The following ABCA7 variants were observed in gnomAD, a reference collection of about 807,000 sequenced individuals.
The protein encoded by ABCA7 is phospholipid-transporting ATPase ABCA7.
Under a neutral mutation model 227.6 loss-of-function variants are expected in ABCA7, and 261 were observed. The observed-to-expected ratio is 1.15, with a 90% CI of 1.04 to 1.27. The LOEUF (loss-of-function observed/expected upper bound fraction) is 1.27, where lower values mean the gene tolerates loss of function less well. Ranked by LOEUF, ABCA7 falls within the 50% of genes most tolerant of loss-of-function variation. The pLI is 0.00. For missense variants in ABCA7, 3,331 were observed against 2,924.5 expected (o/e 1.14, Z -3.21); for synonymous variants, 1,488 against 1,279.7 (o/e 1.16, Z -3.47).
chr19:1,058,869 G>T lies in ABCA7; in HGVS notation c.5329G>T (p.Ala1777Ser). Reference sequence around the variant, plus strand: ...CCTGGGAGAGGAGGACGAGGATGTAGCCCGTGAACGGGAGCGGGTGGTCCA... The same window carrying T: ...CCTGGGAGAGGAGGACGAGGATGTATCCCGTGAACGGGAGCGGGTGGTCCA... ...PLLGEEDEDV[A>S]RERERVVQGA... Residue 1777 changes from alanine (A) to serine (S), a missense_variant, in exon 39 of 47, where the codon GCC becomes TCC. By Grantham distance (99) the Ala-to-Ser change is moderately conservative (BLOSUM62 1). Transcript: ENST00000263094. The T allele has an allele frequency of 6.3e-7, 1 of 1,578,784 alleles. No homozygotes were observed.
intron 17 of ABCA7, 35 bp from the exon 18 acceptor site, chr19:1,049,231 T>G: frequency 1.9e-6 from 3 of 1,562,868 alleles, no homozygotes; most frequent in Non-Finnish European, 1.7e-6. Flanking sequence ...AGGACCCCCA[T>G]GACCTCCATG....
rs1317716215 is a variant in ABCA7 at position 1,042,349 on chromosome 19, A to T, written c.450A>T (p.Glu150Asp). Residue 150 changes from glutamate (E) to aspartate (D), a missense_variant, in exon 6 of 47, where the codon GAA becomes GAT. Coordinates refer to ENST00000263094, the MANE Select transcript of ABCA7 (RefSeq NM_019112.4). ...AACCAACCAAGCAGTCTCCACTGGA[A>T]CCACCCATGCTGGATGTCGCGGAGC... ...QPQPTKQSPL[E>D]PPMLDVAELL... The T allele has an allele frequency of 6.3e-7, 1 of 1,595,948 alleles. No homozygotes were observed. Among genetic ancestry groups the T allele is most frequent in the South Asian group, 1.1e-5 (1 of 89,420 alleles).
At chr19:1,060,217 C>T (rs1875475) in intron 40 of ABCA7, among the ~76,000 whole-genome samples, 6,009 of 116,790 alleles carry the variant, frequency 0.051, 233 homozygotes, top group African/African-American at 0.11. Context: ...ATTTTTTTTT[C>T]TTTTTTTTTC....
rs1386824963 is a variant in ABCA7 at position 1,065,372 on chromosome 19, A to G, written c.6388A>G (p.Lys2130Glu). Residue 2130 changes from lysine to glutamate, a missense_variant, in exon 47 of 47, where the codon AAA (lysine) becomes GAA (glutamate). Coordinates refer to ENST00000263094, the MANE Select transcript of ABCA7 (RefSeq NM_019112.4). ...VDPAPGLQHP[K>E]RVSQFLDDPS... ...CCCCGCGCCAGGCCTGCAGCACCCC[A>G]AACGCGTCAGCCAGTTCCTCGATGA... The G allele has an allele frequency of 6.2e-7, 1 of 1,613,492 alleles. No individual in the cohort carries two copies. Among genetic ancestry groups the G allele is most frequent in the Non-Finnish European group, 8.5e-7 (1 of 1,180,010 alleles).
At chr19:1,053,867 C>T in intron 25 of ABCA7, 31 bp downstream of exon 25, 1 of 1,602,952 alleles carries the variant, frequency 6.2e-7, no homozygotes, top group Admixed American at 1.7e-5. Flanking sequence ...CCCCTGACCC[C>T]AGTCCAGAGT....
Position 1,043,590 on chromosome 19 carries a change from G to C in ABCA7, c.930+117G>C, listed in dbSNP as rs377652801. The C allele has an allele frequency of 3.5e-4, 552 of 1,574,734 alleles. 6 individuals are homozygous for C. The East Asian group carries it at 0.012, about 34-fold the overall frequency. On this transcript the variant is annotated intron_variant, in intron 9 of 46. Transcript: ENST00000263094. ...TCACGGAAACTATTTGAAGAAGTAG[G>C]AGTTAGCCGATGGAGGGGGATCAGC...
Position 1,046,245 on chromosome 19 carries a change from C to T in ABCA7, c.1461C>T (p.Gly487=). Residue 487 remains glycine, a synonymous_variant, in exon 13 of 47, where the codon GGC becomes GGT. Transcript: ENST00000263094. ...CCTCTCGCAGGTTTTGGGACCCTGG[C>T]CCAGCCGCGGACCCCCTGACCGACC... The part of the protein sequence containing the change: ...NKIRDRFWDP[G]PAADPLTDLR... The T allele has an allele frequency of 1.2e-6, 2 of 1,607,104 alleles. No individual in the cohort carries two copies. The highest frequency in any genetic ancestry group is 1.7e-6 in the Non-Finnish European group (2 of 1,179,674).
chr19:1,040,415 C>T (rs2039904675), intron 1 of ABCA7, among the ~76,000 whole-genome samples: 1 of 152,198 alleles, frequency 6.6e-6, no homozygotes, highest in Non-Finnish European at 1.5e-5. Context: ...CAGCCCCCTG[C>T]CCGTTAGAAC....
rs1266966610 is a variant in ABCA7, at chr19:1,046,181, G to A, written c.1446-49G>A. On this transcript the variant is annotated intron_variant, in intron 12 of 46. Transcript: ENST00000263094. ...AAAAGGTTATTCAGGGTGGGGCCCC[G>A]GGAGTTTCTAGCCCTTCCCTACAAC... 9 of 1,589,890 alleles carry A rather than the reference G, an allele frequency of 5.7e-6. No individual in the cohort carries two copies. In the East Asian group the frequency reaches 6.7e-5, roughly 12 times the overall value.
At position 1,046,292 on chromosome 19, in the gene ABCA7, T is replaced by C. The variant is rs764047113; in HGVS notation, c.1508T>C (p.Phe503Ser). The C allele has an allele frequency of 6.2e-7, 1 of 1,606,090 alleles. No individual in the cohort carries two copies. The highest frequency in any genetic ancestry group is 8.5e-7 in the Non-Finnish European group (1 of 1,179,700). The change falls in exon 13 of 47, where the codon TTC (phenylalanine) becomes TCC (serine). Residue 503 changes from phenylalanine to serine, a missense_variant. Transcript: ENST00000263094. Reference protein sequence around the residue: ...LTDLRYVWGGFVYLQDLVERA... With the variant: ...LTDLRYVWGGSVYLQDLVERA... ...GACCTGCGCTACGTGTGGGGCGGCT[T>C]CGTGTACCTGCAAGACCTGGTGGAG... is the stretch of plus-strand genomic sequence containing the variant.
At chr19:1,053,096 G>A (rs2144855610) in intron 23 of ABCA7, among the ~76,000 whole-genome samples, 1 of 152,326 alleles carries the variant, frequency 6.6e-6, no homozygotes, top group South Asian at 2.1e-4. Context: ...GTTTCACCAT[G>A]TTGGTCAGGC....
chr19:1,051,688 A>G, intron 21 of ABCA7, 102 bp downstream of exon 21: 2 of 1,214,942 alleles, frequency 1.6e-6, no homozygotes, highest in Non-Finnish European at 2.3e-6. Flanking sequence ...CTACATGTGG[A>G]CCCCACTTGT....
rs530478775 is a variant in ABCA7, at chr19:1,056,535, G to A, written c.4586+36G>A. Reference sequence around the variant, plus strand: ...CCACCCTGCATGTCCTACCCTGCACGTCCTACCCTGCCTCCATTTCTCTGT... The same window carrying A: ...CCACCCTGCATGTCCTACCCTGCACATCCTACCCTGCCTCCATTTCTCTGT... On this transcript the variant is annotated intron_variant, in intron 33 of 46. Transcript: ENST00000263094. This position sits in a 1 kb window ranked among gnomAD's most constrained non-coding sequence, Gnocchi z 4.3. The A allele has an allele frequency of 2.9e-5, 45 of 1,575,304 alleles. No individual in the cohort carries two copies. The highest frequency in any genetic ancestry group is 2.8e-4 in the East Asian group (12 of 43,272).
chr19:1,045,343 C>G (rs1487966037), intron 12 of ABCA7, 112 bp downstream of exon 12: 1 of 1,103,666 alleles, frequency 9.1e-7, no homozygotes, highest in African/African-American at 1.6e-5. Flanking sequence ...AGGATCTGGG[C>G]TGTATCAACA....
chr19:1,058,909 G>A lies in ABCA7; in HGVS notation c.5369G>A (p.Gly1790Glu), dbSNP rs1438035877. 1 of 1,594,444 alleles carries A rather than the reference G, an allele frequency of 6.3e-7. No homozygotes were observed. Among genetic ancestry groups the A allele is most frequent in the Non-Finnish European group, 8.6e-7 (1 of 1,166,942 alleles). The change falls in exon 39 of 47, where the codon GGG becomes GAG. Residue 1790 changes from glycine to glutamate, a missense_variant. Physicochemically the swap from Gly to Glu is moderately conservative, Grantham distance 98 (BLOSUM62 -2). Transcript: ENST00000263094. ...RERVVQGATQ[G>E]DVLVLRNLTK... ...CGGGTGGTCCAAGGAGCCACCCAGG[G>A]GGATGTGTTGGTGCTGAGGAACTTG...
At chr19:1,051,355 G>A (rs979490300) in intron 20 of ABCA7, 61 bp downstream of exon 20, 31 of 1,494,788 alleles carry the variant, frequency 2.1e-5, no homozygotes, top group Non-Finnish European at 2.3e-5. Context: ...CATCCTGAAG[G>A]CAGGGGGAAG....
In ABCA7 at chr19:1,046,910, G is replaced by A; in HGVS notation, c.1731G>A (p.Leu577=). 1 of 1,551,478 alleles carries A rather than the reference G, an allele frequency of 6.4e-7. No individual in the cohort carries two copies. Among genetic ancestry groups the A allele is most frequent in the Non-Finnish European group, 8.6e-7 (1 of 1,157,256 alleles). The change falls in exon 14 of 47, where the codon CTG becomes CTA. Residue 577 remains leucine, a synonymous_variant. Transcript: ENST00000263094. ...TGGTGCGGGAGAAGGAGACGCGGCT[G>A]CGGGACACCATGCGCGCCATGGGGC... The part of the protein sequence containing the change: ...KAVVREKETR[L]RDTMRAMGLS...
intron 19 of ABCA7, 38 bp from the exon 20 acceptor site, chr19:1,051,117 T>TGCCATGTGGGTCACTCTGCTC: frequency 6.2e-7 from 1 of 1,610,778 alleles, no homozygotes; most frequent in South Asian, 1.1e-5. Context: ...GGACTCTGCC[T>TGCCATGTGGGTCACTCTGCTC]GCCATGTGGG....
chr19:1,047,735 G>A lies in ABCA7; in HGVS notation c.2269+81G>A, dbSNP rs1390001417. The A allele has an allele frequency of 4.5e-6, 6 of 1,329,648 alleles. No individual in the cohort carries two copies. In the African/African-American group the frequency reaches 6.0e-5, roughly 13 times the overall value. The allele number at this position is 1,329,648 out of a possible 1,614,324, so 82.4% of individuals were successfully genotyped here. ...GAGCTAGGGGTGTGGCCTCCAGGCC[G>A]TTTGGGGGTGGGGGGTGGCTTATTC... On this transcript the variant is annotated intron_variant, in intron 16 of 46. Transcript: ENST00000263094.
Sources: gnomAD v4.1 joint callset for allele counts (sites outside exome capture counted in the v4.1 genomes callset) on GRCh38, gnomAD v4.1.1 for gene constraint, Gnocchi (gnomAD v3.1) non-coding constraint, MANE v1.5 for transcripts, NCBI Gene and HGNC (gene_info 2026-07-23, HGNC 2026-07-21) for gene names.